The following ERBIN variants were observed in gnomAD, a reference collection of about 807,000 sequenced individuals.
ERBIN encodes the protein densin-180-like protein.
ERBIN carries 60 observed loss-of-function variants against 158.4 expected under a neutral mutation model. The observed-to-expected ratio is 0.38, with a 90% CI of 0.31 to 0.47. ERBIN has a LOEUF of 0.47. Ranked by LOEUF, ERBIN falls within the 20% of genes least tolerant of loss-of-function variation. ERBIN has a pLI of 0.99. For synonymous variants in ERBIN, 594 were observed against 557.2 expected (o/e 1.07, Z -0.93); for missense variants, 1,610 against 1,648.0 (o/e 0.98, Z 0.40).
intron 1 of ERBIN, among the ~76,000 whole-genome samples, chr5:65,930,614 T>C (rs1743248575): frequency 6.6e-6 from 1 of 152,236 alleles, no homozygotes; most frequent in Non-Finnish European, 1.5e-5. Context: ...GGCCATTGTT[T>C]GTTTTATACT....
intron 1 of ERBIN, among the ~76,000 whole-genome samples, chr5:65,982,866 A>T (rs542324339): frequency 2.0e-5 from 3 of 152,224 alleles, no homozygotes; most frequent in African/African-American, 4.8e-5. Context: ...ACGCTTGTAC[A>T]CAAATGTACT....
chr5:65,983,550 A>G (rs1383166085), intron 1 of ERBIN, among the ~76,000 whole-genome samples: 1 of 152,206 alleles, frequency 6.6e-6, no homozygotes, highest in East Asian at 1.9e-4. Context: ...AAATATACCA[A>G]ATACAGATTA....
chr5:65,948,113 A>T (rs1463921860), intron 1 of ERBIN, among the ~76,000 whole-genome samples: 1 of 151,914 alleles, frequency 6.6e-6, no homozygotes, highest in African/African-American at 2.4e-5. Flanking sequence ...ATTTTACAGC[A>T]CGTATTCTAT....
At position 66,046,614 on chromosome 5, in the gene ERBIN, T is replaced by G. The variant is rs139277274; in HGVS notation, c.1788+76T>G. On this transcript the variant is annotated intron_variant, in intron 18 of 25. Transcript: ENST00000284037. ...ATTTTATTGTTGCTAAATAAAGACC[T>G]GATACTGATTGTAGAAAATATGTTA... is the stretch of plus-strand genomic sequence containing the variant. 66 of 1,163,392 alleles carry G rather than the reference T, an allele frequency of 5.7e-5. 1 individual carries two copies. In the South Asian group the frequency reaches 1.4e-3, roughly 24 times the overall value. 72.1% of individuals were successfully genotyped at this position (1,163,392 alleles called of 1,614,324 possible).
At chr5:66,067,307 G>C (rs1270903775) in intron 21 of ERBIN, among the ~76,000 whole-genome samples, 2 of 152,164 alleles carry the variant, frequency 1.3e-5, no homozygotes, top group African/African-American at 2.4e-5. Flanking sequence ...CTTGGCATTA[G>C]ACGTCAACTT....
At chr5:66,012,417 C>T (rs1350782047) in intron 5 of ERBIN, among the ~76,000 whole-genome samples, 1 of 152,162 alleles carries the variant, frequency 6.6e-6, no homozygotes, top group African/African-American at 2.4e-5. Context: ...GTGTTATTTA[C>T]ACCCTAGAGG....
chr5:66,066,720 A>C (rs538311501), intron 21 of ERBIN, among the ~76,000 whole-genome samples: 1 of 152,224 alleles, frequency 6.6e-6, no homozygotes, highest in Non-Finnish European at 1.5e-5. Flanking sequence ...ATTCCAAACC[A>C]TAATATGATT....
chr5:65,969,934 A>G (rs1468097064), intron 1 of ERBIN, among the ~76,000 whole-genome samples: 1 of 152,172 alleles, frequency 6.6e-6, no homozygotes, highest in Non-Finnish European at 1.5e-5. Context: ...TGTTTAGGGA[A>G]TTACTATTAA....
intron 1 of ERBIN, among the ~76,000 whole-genome samples, chr5:65,959,066 A>G (rs1180880924): frequency 2.6e-5 from 4 of 152,228 alleles, no homozygotes; most frequent in African/African-American, 7.2e-5. Flanking sequence ...GCGTATACAC[A>G]TTAACTTTAT....
At chr5:66,027,899 C>G (rs1240936479) in intron 13 of ERBIN, among the ~76,000 whole-genome samples, 4 of 151,952 alleles carry the variant, frequency 2.6e-5, no homozygotes, top group African/African-American at 4.8e-5. Context: ...AAGAGTGTTT[C>G]CTATAACAGT....
chr5:66,072,183 A>G lies in ERBIN; in HGVS notation c.3648A>G (p.Thr1216=), dbSNP rs1561457578. 1.3e-6 allele frequency: 2 copies of G among 1,549,978 alleles called. No homozygotes were observed. The highest frequency in any genetic ancestry group is 2.4e-5 in the East Asian group (1 of 40,822). ...AKKLEKKHPQ[T]SSSGDPCQDG... ...CTGCTCATTAGAAGCATCCCCAGAC[A>G]TCCAGTTCAGGAGATCCTTGTCAAG... Residue 1216 remains threonine (T), a synonymous_variant, in exon 22 of 26, where the codon ACA becomes ACG. Coordinates refer to ENST00000284037, the MANE Select transcript of ERBIN (RefSeq NM_001253697.2).
intron 4 of ERBIN, among the ~76,000 whole-genome samples, chr5:66,003,894 A>G (rs936061443): frequency 6.8e-6 from 1 of 146,058 alleles, no homozygotes; most frequent in Admixed American, 6.8e-5. Flanking sequence ...TATCTAATCT[A>G]GAGCTTCATT....
intron 9 of ERBIN, 88 bp from the exon 10 acceptor site, chr5:66,024,218 T>C: frequency 1.1e-6 from 1 of 909,366 alleles, no homozygotes; most frequent in Non-Finnish European, 1.6e-6. Flanking sequence ...TAATTTTGAA[T>C]TAAAACTTGG....
intron 2 of ERBIN, among the ~76,000 whole-genome samples, 153 bp from the exon 3 acceptor site, chr5:65,992,557 T>C (rs994246791): frequency 1.1e-4 from 17 of 152,230 alleles, no homozygotes; most frequent in African/African-American, 4.1e-4. Flanking sequence ...AATGTGGGTA[T>C]TAAAGCAATG....
intron 21 of ERBIN, 119 bp from the exon 22 acceptor site, chr5:66,072,050 G>C: frequency 1.1e-6 from 1 of 933,370 alleles, no homozygotes; most frequent in Non-Finnish European, 1.6e-6. Flanking sequence ...TGTTTGATTT[G>C]GGTCTTCATC....
intron 1 of ERBIN, among the ~76,000 whole-genome samples, chr5:65,932,003 A>C (rs1743471027): frequency 6.6e-6 from 1 of 151,622 alleles, no homozygotes; most frequent in Non-Finnish European, 1.5e-5. Flanking sequence ...TTTTTTGTAG[A>C]GACAGGGTTT....
chr5:65,989,000 A>T (rs1160901659), intron 2 of ERBIN, among the ~76,000 whole-genome samples: 1 of 151,670 alleles, frequency 6.6e-6, no homozygotes, highest in African/African-American at 2.4e-5. Context: ...AAAAAAAAAA[A>T]AAAAAGCTTA....
intron 1 of ERBIN, among the ~76,000 whole-genome samples, chr5:65,987,719 C>A (rs1458696215): frequency 6.6e-6 from 1 of 152,016 alleles, no homozygotes; most frequent in Non-Finnish European, 1.5e-5. Context: ...GTGGTGCACA[C>A]CTGTAATCCC....
intron 1 of ERBIN, among the ~76,000 whole-genome samples, chr5:65,930,675 T>C (rs1743253825): frequency 6.6e-6 from 1 of 152,228 alleles, no homozygotes; most frequent in Non-Finnish European, 1.5e-5. Flanking sequence ...AATTGACTGT[T>C]AAGATAATAC....
Sources: gnomAD v4.1 joint callset for allele counts (sites outside exome capture counted in the v4.1 genomes callset) on GRCh38, gnomAD v4.1.1 for gene constraint, MANE v1.5 for transcripts, NCBI Gene and HGNC (gene_info 2026-07-23, HGNC 2026-07-21) for gene names.